SH3PXD2A: variants seen among roughly 807,000 people sequenced by gnomAD.
SH3PXD2A encodes SH3 and PX domains 2A, also known as SH3 and PX domain-containing protein 2A.
In SH3PXD2A, 32 loss-of-function variants were observed where a neutral mutation model predicts 115.2. That is an observed-to-expected ratio of 0.28 (90% CI 0.21 to 0.37). The LOEUF is 0.37. Ranked by LOEUF, SH3PXD2A falls within the 10% of genes least tolerant of loss-of-function variation. The probability of loss-of-function intolerance (pLI) is 1.00; values close to 1 mark genes in which losing one functional copy is unlikely to be tolerated. For missense variants in SH3PXD2A, 1,328 were observed against 1,498.7 expected, an observed-to-expected ratio of 0.89 and a Z score of 1.88; for synonymous variants, 610 against 629.1, an observed-to-expected ratio of 0.97 and a Z score of 0.45.
intron 2 of SH3PXD2A, among the ~76,000 whole-genome samples, chr10:103,796,398 A>G (rs1334797765): frequency 2.0e-5 from 3 of 148,476 alleles, no homozygotes; most frequent in African/African-American, 7.4e-5. Flanking sequence ...AAAAAAAAAA[A>G]AGAGAGAGAG....
intron 3 of SH3PXD2A, among the ~76,000 whole-genome samples, chr10:103,749,535 AT>A (rs987160692): frequency 4.6e-5 from 7 of 152,046 alleles, no homozygotes; most frequent in Non-Finnish European, 7.4e-5. Context: ...CCTGCCTCCA[AT>A]TTCTACAAAT....
At chr10:103,634,074 T>C (rs1471997392) in intron 8 of SH3PXD2A, among the ~76,000 whole-genome samples, 2 of 152,290 alleles carry the variant, frequency 1.3e-5, no homozygotes, top group African/African-American at 2.4e-5. Context: ...GTGGCAGAGG[T>C]AGGAGCGGAG....
At chr10:103,834,623 G>A (rs149217450) in intron 1 of SH3PXD2A, among the ~76,000 whole-genome samples, 4 of 152,216 alleles carry the variant, frequency 2.6e-5, no homozygotes, top group East Asian at 1.9e-4. Context: ...CAACTGCTTC[G>A]GCATGGGCCA....
intron 8 of SH3PXD2A, among the ~76,000 whole-genome samples, chr10:103,643,016 C>T (rs565376604): frequency 1.8e-4 from 28 of 152,310 alleles, no homozygotes; most frequent in African/African-American, 6.5e-4. Flanking sequence ...ACAAAACAAA[C>T]CCACTCCACA....
intron 1 of SH3PXD2A, among the ~76,000 whole-genome samples, chr10:103,840,459 C>A (rs2039586407): frequency 6.6e-6 from 1 of 152,208 alleles, no homozygotes; most frequent in Non-Finnish European, 1.5e-5. Context: ...GAAAGAGAAA[C>A]TGCTCATACT....
chr10:103,675,093 G>A (rs2037515895), intron 6 of SH3PXD2A, among the ~76,000 whole-genome samples: 1 of 152,152 alleles, frequency 6.6e-6, no homozygotes. Context: ...GCACTGGAGG[G>A]CGAGGGGTGA....
intron 1 of SH3PXD2A, among the ~76,000 whole-genome samples, chr10:103,814,182 A>G (rs2069507910): frequency 6.6e-6 from 1 of 152,116 alleles, no homozygotes; most frequent in Admixed American, 6.5e-5. Flanking sequence ...CAAAGTGGGG[A>G]AAGCAAACAA....
rs74539257 is a variant in SH3PXD2A at position 103,605,855 on chromosome 10, G to A, written c.1371C>T (p.Ala457=). The stretch of plus-strand genomic sequence containing the variant: ...CATCGGAAATGCACGACTGGAATTC[G>A]GCAATGGTGTAGTACTCCACCTCAA... The part of the protein sequence containing the change: ...PSVEVEYYTI[A]EFQSCISDGI... Residue 457 remains alanine (A), a synonymous_variant, in exon 14 of 15, where the codon GCC becomes GCT. Coordinates refer to ENST00000369774, the MANE Select transcript of SH3PXD2A (RefSeq NM_001394015.1). 23 of 1,612,740 alleles carry A rather than the reference G, an allele frequency of 1.4e-5. No individual in the cohort carries two copies. Among genetic ancestry groups the A allele is most frequent in the East Asian group, 1.3e-4 (6 of 44,880 alleles).
chr10:103,649,843 C>A lies in SH3PXD2A; in HGVS notation c.604+11140G>T, dbSNP rs563574307. On this transcript the variant is annotated intron_variant, in intron 8 of 14. Transcript: ENST00000369774. Reference sequence around the variant, plus strand: ...GCCAACCTCAACAGCAACCTCACCCCCTTCCTGGGGGAAGGGAGGAACACA... The same window carrying A: ...GCCAACCTCAACAGCAACCTCACCCACTTCCTGGGGGAAGGGAGGAACACA... 2.6e-4 allele frequency among the ~76,000 whole-genome samples: 39 copies of A among 152,340 alleles called. No individual in the cohort carries two copies. In the East Asian group the frequency reaches 6.2e-3, roughly 24 times the overall value.
rs34903223 is a variant in SH3PXD2A, at chr10:103,767,810, G to GTTTTTT, written c.154-647_154-642dup. On this transcript the variant is annotated intron_variant, in intron 2 of 14. Coordinates refer to ENST00000369774, the MANE Select transcript of SH3PXD2A (RefSeq NM_001394015.1). Reference sequence around the variant, plus strand: ...AGGGTTCTGGAGGAACAACTGTTTTGTTTTTTTTTTTTTTTTTTTTTTTTG... The same window carrying GTTTTTT: ...AGGGTTCTGGAGGAACAACTGTTTTGTTTTTTTTTTTTTTTTTTTTTTTTTTTTTTG... 4.5e-3 allele frequency among the ~76,000 whole-genome samples: 304 copies of GTTTTTT among 67,558 alleles called. 9 individuals carry two copies. Among genetic ancestry groups the GTTTTTT allele is most frequent in the Middle Eastern group, 0.023 (2 of 86 alleles). 44.3% of individuals were successfully genotyped at this position (67,558 alleles called of 152,430 possible).
rs375071473 is a variant in SH3PXD2A, at chr10:103,617,284, G to T, written c.833C>A (p.Thr278Asn). Reference protein sequence around the residue: ...EEKYVTVQPYTSQSKDEIGFE... With the variant: ...EEKYVTVQPYNSQSKDEIGFE... ...GCCAATCTCGTCCTTGCTTTGGCTG[G>T]TGTAAGGCTGCACGGTGACATACTT... The change falls in exon 11 of 15, where the codon ACC becomes AAC. Residue 278 changes from threonine to asparagine, a missense_variant. Around this residue, in one of 5 missense-constraint regions of SH3PXD2A, gnomAD observed 509 missense variants for 628.3 expected, o/e 0.81. Coordinates refer to ENST00000369774, the MANE Select transcript of SH3PXD2A (RefSeq NM_001394015.1). 3 of 1,614,092 alleles carry T rather than the reference G, an allele frequency of 1.9e-6. No individual in the cohort carries two copies. The highest frequency in any genetic ancestry group is 3.3e-5 in the Admixed American group (2 of 60,030).
intron 8 of SH3PXD2A, among the ~76,000 whole-genome samples, chr10:103,629,982 T>C (rs2036754802): frequency 6.6e-6 from 1 of 152,204 alleles, no homozygotes; most frequent in Non-Finnish European, 1.5e-5. Flanking sequence ...CTGATTCAGG[T>C]TGGGAAAATA....
Position 103,647,950 on chromosome 10 carries a change from C to T in SH3PXD2A, c.604+13033G>A, listed in dbSNP as rs556116574. On this transcript the variant is annotated intron_variant, in intron 8 of 14. Coordinates refer to ENST00000369774, the MANE Select transcript of SH3PXD2A (RefSeq NM_001394015.1). ...GGTCCCCTAGGGGTGGGTTGGAGCCCGGAGGGATGAGAATCTCCTATTCTG... is the reference window on the plus strand; with the variant it reads ...GGTCCCCTAGGGGTGGGTTGGAGCCTGGAGGGATGAGAATCTCCTATTCTG... Among the ~76,000 whole-genome samples the T allele has an allele frequency of 7.2e-5, 11 of 152,086 alleles. No individual in the cohort carries two copies. In the South Asian group the frequency reaches 1.7e-3, roughly 23 times the overall value.
chr10:103,640,750 C>A (rs1384445772), intron 8 of SH3PXD2A, among the ~76,000 whole-genome samples: 2 of 152,118 alleles, frequency 1.3e-5, no homozygotes, highest in African/African-American at 4.8e-5. Context: ...CTGGGAGAGC[C>A]TGGGAAGGGG....
chr10:103,839,481 C>A (rs963159786), intron 1 of SH3PXD2A, among the ~76,000 whole-genome samples: 2 of 152,168 alleles, frequency 1.3e-5, no homozygotes, highest in Non-Finnish European at 2.9e-5. Context: ...TTAACCCGTG[C>A]CATCCTCATC....
chr10:103,796,450 T>A (rs778119544), intron 2 of SH3PXD2A, among the ~76,000 whole-genome samples: 1 of 151,762 alleles, frequency 6.6e-6, no homozygotes, highest in Non-Finnish European at 1.5e-5. Context: ...CTCCCAAGAA[T>A]GCTCTTTCCT....
rs2036109814 is a variant in SH3PXD2A at position 103,594,701 on chromosome 10, T to G, written c.*7115A>C. 6.6e-6 allele frequency: 1 copy of G among 152,234 alleles called. No individual in the cohort carries two copies. Among genetic ancestry groups the G allele is most frequent in the Non-Finnish European group, 1.5e-5 (1 of 68,044 alleles). 9.4% of individuals were successfully genotyped at this position (152,234 alleles called of 1,614,324 possible). ...TTCAAGGAGGGTGGCTGTTTTGCTGTTCTTTCTCTGCAGTAAACTCTTATG... is the reference window on the plus strand; with the variant it reads ...TTCAAGGAGGGTGGCTGTTTTGCTGGTCTTTCTCTGCAGTAAACTCTTATG... On this transcript the variant is annotated 3_prime_UTR_variant, in exon 15 of 15. Transcript: ENST00000369774.
chr10:103,668,555 A>G (rs2037414434), intron 7 of SH3PXD2A, 53 bp downstream of exon 7: 2 of 1,487,150 alleles, frequency 1.3e-6, no homozygotes, highest in African/African-American at 1.4e-5. Flanking sequence ...GCTCCCGCGC[A>G]CACGGACCTG....
At chr10:103,807,454 A>AAACTC (rs2039218040) in intron 1 of SH3PXD2A, among the ~76,000 whole-genome samples, 1 of 152,216 alleles carries the variant, frequency 6.6e-6, no homozygotes, top group Admixed American at 6.5e-5. Flanking sequence ...GGCCAAACAG[A>AAACTC]AACTCAATGG....
Sources: gnomAD v4.1 joint callset for allele counts (sites outside exome capture counted in the v4.1 genomes callset) on GRCh38, gnomAD v4.1.1 for gene constraint, gnomAD v4.1.1 regional missense constraint, MANE v1.5 for transcripts, NCBI Gene and HGNC (gene_info 2026-07-23, HGNC 2026-07-21) for gene names.